SH3BP4: variants seen among roughly 807,000 people sequenced by gnomAD.
SH3BP4 encodes SH3 domain binding protein 4.
In SH3BP4, 33 loss-of-function variants were observed where a neutral mutation model predicts 65.5. That is an observed-to-expected ratio of 0.50 (90% CI 0.38 to 0.67). The LOEUF (loss-of-function observed/expected upper bound fraction) is 0.67, where lower values mean the gene tolerates loss of function less well. Ranked by LOEUF, SH3BP4 falls within the 30% of genes least tolerant of loss-of-function variation. The probability of loss-of-function intolerance (pLI) is 0.00; values close to 1 mark genes in which losing one functional copy is unlikely to be tolerated. For synonymous variants in SH3BP4, 552 were observed against 545.5 expected (o/e 1.01, Z -0.17); for missense variants, 1,134 against 1,261.4 (o/e 0.90, Z 1.53).
intron 1 of SH3BP4, among the ~76,000 whole-genome samples, chr2:234,980,667 A>G (rs1264664347): frequency 6.6e-6 from 1 of 152,176 alleles, no homozygotes; most frequent in Non-Finnish European, 1.5e-5. Flanking sequence ...TCCACTTCCC[A>G]CAGCAGCCTT....
chr2:235,022,726 C>T (rs1694882594), intron 2 of SH3BP4, among the ~76,000 whole-genome samples: 1 of 152,162 alleles, frequency 6.6e-6, no homozygotes, highest in African/African-American at 2.4e-5. Flanking sequence ...CACAGTCTTC[C>T]AGGACTGCTT....
chr2:234,967,659 C>T lies in SH3BP4; in HGVS notation c.-207+15489C>T, dbSNP rs970975686. ...CCTCCTTCCCGTGCCTCCCTGGCTC[C>T]CTGGGTTCTTGGTTCTTGGTGCTCA... is the stretch of plus-strand genomic sequence containing the variant. On this transcript the variant is annotated intron_variant, in intron 1 of 5. Transcript: ENST00000392011. The surrounding 1 kb of genome is among the most constrained non-coding windows in gnomAD (Gnocchi z 4.6). 2.6e-5 allele frequency among the ~76,000 whole-genome samples: 4 copies of T among 152,162 alleles called. No homozygotes were observed. The highest frequency in any genetic ancestry group is 2.6e-4 in the Admixed American group (4 of 15,282).
Position 235,042,124 on chromosome 2 carries a change from C to T in SH3BP4, c.1355C>T (p.Ala452Val), listed in dbSNP as rs1187029807. 13 of 1,613,996 alleles carry T rather than the reference C, an allele frequency of 8.1e-6. No homozygotes were observed. Among genetic ancestry groups the T allele is most frequent in the Non-Finnish European group, 1.1e-5 (13 of 1,180,022 alleles). Reference protein sequence around the residue: ...LHNLEPCMYVAVVAHGPSILY... With the variant: ...LHNLEPCMYVVVVAHGPSILY... ...AACCTGGAGCCCTGTATGTACGTGG[C>T]TGTCGTGGCCCATGGCCCAAGCATC... The change falls in exon 4 of 6, where the codon GCT becomes GTT. Residue 452 changes from alanine to valine, a missense_variant. Coordinates refer to ENST00000392011, the MANE Select transcript of SH3BP4 (RefSeq NM_014521.3). This position sits in a 1 kb window ranked among gnomAD's most constrained non-coding sequence, Gnocchi z 7.3.
chr2:235,024,908 C>CT (rs1574829963), intron 2 of SH3BP4, among the ~76,000 whole-genome samples: 1 of 152,034 alleles, frequency 6.6e-6, no homozygotes, highest in East Asian at 1.9e-4. Context: ...AGCCGGGAGT[C>CT]TGAGTACAAC....
chr2:235,054,166 TG>T lies in SH3BP4; in HGVS notation c.*351del. 1 of 230,764 alleles carries T rather than the reference TG, an allele frequency of 4.3e-6. No homozygotes were observed. The highest frequency in any genetic ancestry group is 8.6e-6 in the Non-Finnish European group (1 of 116,094). 14.3% of individuals were successfully genotyped at this position (230,764 alleles called of 1,614,324 possible). A position where few individuals can be genotyped will look rare whatever the true frequency, so the allele number is the denominator to read the frequency against. ...AAAAGAAAATAGGGGCACAGGCTGT[TG>T]AGGTTTTTATGTTGTTATAGACCTT... is the stretch of plus-strand genomic sequence containing the variant. On this transcript the variant is annotated 3_prime_UTR_variant, in exon 6 of 6. Transcript: ENST00000392011.
At chr2:235,017,933 A>T (rs1376330645) in intron 2 of SH3BP4, among the ~76,000 whole-genome samples, 1 of 152,138 alleles carries the variant, frequency 6.6e-6, no homozygotes, top group Non-Finnish European at 1.5e-5. Context: ...AGCAGAAAGC[A>T]CTGTAGGTAC....
At chr2:235,005,611 G>A (rs1047701665) in intron 2 of SH3BP4, among the ~76,000 whole-genome samples, 2 of 152,090 alleles carry the variant, frequency 1.3e-5, no homozygotes, top group Admixed American at 6.5e-5. Context: ...CTGAACCCCC[G>A]CCTCCGCCAC....
At chr2:234,975,748 T>A (rs1204114147) in intron 1 of SH3BP4, among the ~76,000 whole-genome samples, 1 of 152,036 alleles carries the variant, frequency 6.6e-6, no homozygotes, top group East Asian at 1.9e-4. Context: ...TGGTGGTGCA[T>A]GCCTGTAGAC....
chr2:235,027,134 C>T (rs1695026485), intron 2 of SH3BP4, among the ~76,000 whole-genome samples: 1 of 152,256 alleles, frequency 6.6e-6, no homozygotes, highest in Non-Finnish European at 1.5e-5. Flanking sequence ...GCCTTGCATT[C>T]CCTGCCAAGC....
At chr2:234,975,646 CAGG>C (rs1693145920) in intron 1 of SH3BP4, among the ~76,000 whole-genome samples, 1 of 152,188 alleles carries the variant, frequency 6.6e-6, no homozygotes, top group African/African-American at 2.4e-5. Flanking sequence ...GAGACTGAAA[CAGG>C]AGGATTCCTT....
chr2:235,004,855 A>C (rs964368086), intron 2 of SH3BP4, among the ~76,000 whole-genome samples: 1 of 152,276 alleles, frequency 6.6e-6, no homozygotes, highest in African/African-American at 2.4e-5. Context: ...TGATGGTCTA[A>C]TTCTGTTCTA....
intron 2 of SH3BP4, among the ~76,000 whole-genome samples, chr2:235,017,463 A>T (rs1420582127): frequency 6.7e-6 from 1 of 149,664 alleles, no homozygotes; most frequent in African/African-American, 2.5e-5. Flanking sequence ...AAAAAAAAAA[A>T]GAAATCCTTT....
At chr2:235,001,263 A>G (rs1458323337) in intron 2 of SH3BP4, among the ~76,000 whole-genome samples, 1 of 152,290 alleles carries the variant, frequency 6.6e-6, no homozygotes, top group East Asian at 1.9e-4. Context: ...CTGAAACTGC[A>G]TGCTAAACTT....
Position 235,052,223 on chromosome 2 carries a change from G to A in SH3BP4, c.2479-339G>A, listed in dbSNP as rs1331923257. ...CTCTCTGTCTGCTTTCTCTTCTTAT[G>A]AAGACGCCAGTCCTTGGTGACTTCC... is the stretch of plus-strand genomic sequence containing the variant. On this transcript the variant is annotated intron_variant, in intron 4 of 5. Coordinates refer to ENST00000392011, the MANE Select transcript of SH3BP4 (RefSeq NM_014521.3). This position sits in a 1 kb window ranked among gnomAD's most constrained non-coding sequence, Gnocchi z 5.0. Among the ~76,000 whole-genome samples the A allele has an allele frequency of 1.3e-5, 2 of 152,040 alleles. No individual in the cohort carries two copies. The highest frequency in any genetic ancestry group is 2.9e-5 in the Non-Finnish European group (2 of 68,032).
chr2:235,008,276 C>T (rs1416728573), intron 2 of SH3BP4, among the ~76,000 whole-genome samples: 1 of 152,110 alleles, frequency 6.6e-6, no homozygotes, highest in East Asian at 1.9e-4. Flanking sequence ...TGGGTTGGGA[C>T]AGCCCCTTGG....
At chr2:235,036,522 G>A (rs535994806) in intron 3 of SH3BP4, among the ~76,000 whole-genome samples, 22 of 152,112 alleles carry the variant, frequency 1.4e-4, no homozygotes, top group African/African-American at 2.9e-4. Flanking sequence ...TTAGGAGGCC[G>A]AGGCAGGCGG....
intron 1 of SH3BP4, among the ~76,000 whole-genome samples, chr2:234,970,727 G>A (rs1322986924): frequency 6.6e-6 from 1 of 152,276 alleles, no homozygotes; most frequent in South Asian, 2.1e-4. Flanking sequence ...CTTCTGTTGC[G>A]TAGGTTTCCA....
intron 1 of SH3BP4, among the ~76,000 whole-genome samples, chr2:234,953,682 T>G (rs902209800): frequency 2.0e-5 from 3 of 152,160 alleles, no homozygotes; most frequent in Admixed American, 2.0e-4. Flanking sequence ...CGGCTGTACT[T>G]TAAGGCGCTG....
chr2:235,047,736 A>T (rs1005208058), intron 4 of SH3BP4, among the ~76,000 whole-genome samples: 3 of 152,190 alleles, frequency 2.0e-5, no homozygotes, highest in African/African-American at 7.2e-5. Context: ...AGCTGTCACA[A>T]CTGGTCCTGG....
Sources: gnomAD v4.1 joint callset for allele counts (sites outside exome capture counted in the v4.1 genomes callset) on GRCh38, gnomAD v4.1.1 for gene constraint, Gnocchi (gnomAD v3.1) non-coding constraint, MANE v1.5 for transcripts, NCBI Gene and HGNC (gene_info 2026-07-23, HGNC 2026-07-21) for gene names.